ZNF516: variants seen among roughly 807,000 people sequenced by gnomAD.
ZNF516 encodes the protein zinc finger protein 516.
ZNF516 carries 19 observed loss-of-function variants against 79.7 expected under a neutral mutation model. The observed-to-expected ratio is 0.24, with a 90% CI of 0.17 to 0.35. The LOEUF (loss-of-function observed/expected upper bound fraction) is 0.35. Ranked by LOEUF, ZNF516 falls within the 10% of genes least tolerant of loss-of-function variation. The probability of loss-of-function intolerance (pLI) is 1.00; values close to 1 mark genes in which losing one functional copy is unlikely to be tolerated. For synonymous variants in ZNF516, 877 were observed against 739.5 expected, an observed-to-expected ratio of 1.19 and a Z score of -3.02; for missense variants, 1,678 against 1,679.5, an observed-to-expected ratio of 1.00 and a Z score of 0.02.
chr18:76,374,335 T>G (rs1443298813), intron 4 of ZNF516, among the ~76,000 whole-genome samples: 1 of 152,264 alleles, frequency 6.6e-6, no homozygotes, highest in East Asian at 1.9e-4. Context: ...AAGTCATTTA[T>G]GTTCTATTCC....
At chr18:76,463,734 T>C (rs1440595444) in intron 1 of ZNF516, among the ~76,000 whole-genome samples, 3 of 152,234 alleles carry the variant, frequency 2.0e-5, no homozygotes, top group Admixed American at 6.5e-5. Flanking sequence ...CACTTATACC[T>C]GGGACCACGG....
chr18:76,473,801 C>CA (rs879452949), intron 1 of ZNF516, among the ~76,000 whole-genome samples: 1,175 of 101,474 alleles, frequency 0.012, 12 homozygotes, highest in African/African-American at 0.035. Flanking sequence ...ACTCCATCTC[C>CA]AAAAAAAAAA....
chr18:76,395,083 G>A (rs986732643), intron 3 of ZNF516, among the ~76,000 whole-genome samples: 6 of 152,184 alleles, frequency 3.9e-5, no homozygotes, highest in East Asian at 1.9e-4. Context: ...TATTGGAAAC[G>A]GATGGAGCAA....
intron 2 of ZNF516, among the ~76,000 whole-genome samples, chr18:76,453,853 T>C (rs1346042606): frequency 6.6e-6 from 1 of 152,250 alleles, no homozygotes; most frequent in African/African-American, 2.4e-5. Context: ...ATATTTTAAC[T>C]GAAATTTGTT....
intron 2 of ZNF516, among the ~76,000 whole-genome samples, chr18:76,461,897 T>A (rs538055377): frequency 6.6e-6 from 1 of 152,300 alleles, no homozygotes; most frequent in South Asian, 2.1e-4. Flanking sequence ...CTCACCTGGA[T>A]GGGAAGGGTG....
At position 76,371,549 on chromosome 18, in the gene ZNF516, C is replaced by T. The variant is rs1477624770; in HGVS notation, c.3282G>A (p.Arg1094=). The T allele has an allele frequency of 6.2e-7, 1 of 1,610,606 alleles. No individual in the cohort carries two copies. Among genetic ancestry groups the T allele is most frequent in the East Asian group, 2.2e-5 (1 of 44,864 alleles). The change falls in exon 5 of 7, where the codon CGG becomes CGA. Residue 1094 remains arginine, a synonymous_variant. Transcript: ENST00000443185. ...EHRGTLRTQA[R]PGEFVCIECG... Reference sequence around the variant, plus strand: ...ACTCGATGCAGACGAACTCTCCTGGCCGGGCCTGCGTCCGGAGTGTCCCTG... The same window carrying T: ...ACTCGATGCAGACGAACTCTCCTGGTCGGGCCTGCGTCCGGAGTGTCCCTG...
At chr18:76,418,165 T>C (rs1260384701) in intron 3 of ZNF516, among the ~76,000 whole-genome samples, 1 of 152,080 alleles carries the variant, frequency 6.6e-6, no homozygotes, top group Admixed American at 6.5e-5. Context: ...AGTAACACAC[T>C]GTAACACACG....
At chr18:76,458,669 C>T (rs1169214316) in intron 2 of ZNF516, among the ~76,000 whole-genome samples, 1 of 126,768 alleles carries the variant, frequency 7.9e-6, no homozygotes, top group South Asian at 2.4e-4. Context: ...CGTGCCTCAC[C>T]GTCGTGTGTG....
chr18:76,474,147 G>A (rs1364731781), intron 1 of ZNF516, among the ~76,000 whole-genome samples: 1 of 152,112 alleles, frequency 6.6e-6, no homozygotes, highest in Non-Finnish European at 1.5e-5. Flanking sequence ...GACAAACAGA[G>A]AAAAATGATC....
chr18:76,403,785 A>T (rs2145236337), intron 3 of ZNF516, among the ~76,000 whole-genome samples: 1 of 152,312 alleles, frequency 6.6e-6, no homozygotes, highest in East Asian at 1.9e-4. Context: ...TCTCCTATTG[A>T]CAGATTTCCA....
intron 3 of ZNF516, among the ~76,000 whole-genome samples, chr18:76,404,837 CTG>C (rs56305413): frequency 0.27 from 41,562 of 151,868 alleles, 7,000 homozygotes; most frequent in East Asian, 0.47. Context: ...ATGTGTATCA[CTG>C]TAACTGTGTG....
intron 1 of ZNF516, among the ~76,000 whole-genome samples, chr18:76,488,894 C>G (rs138996046): frequency 6.6e-6 from 1 of 152,320 alleles, no homozygotes; most frequent in Non-Finnish European, 1.5e-5. Context: ...CGAAATACCA[C>G]TTTTAATTAG....
In ZNF516 at chr18:76,371,574, G is replaced by T. The variant is rs780108757; in HGVS notation, c.3260-3C>A. 7 of 1,608,108 alleles carry T rather than the reference G, an allele frequency of 4.4e-6. No individual in the cohort carries two copies. Among genetic ancestry groups the T allele is most frequent in the Non-Finnish European group, 8.5e-7 (1 of 1,179,240 alleles). ...CCGGGCCTGCGTCCGGAGTGTCCCT[G>T]CGGTGGCGAGGTGGTGGTGGTGGCA... On this transcript the variant is annotated splice_region_variant and splice_polypyrimidine_tract_variant and intron_variant, in intron 4 of 6. Coordinates refer to ENST00000443185, the MANE Select transcript of ZNF516 (RefSeq NM_014643.4).
intron 3 of ZNF516, among the ~76,000 whole-genome samples, chr18:76,437,332 G>T (rs1317589230): frequency 6.6e-6 from 1 of 152,156 alleles, no homozygotes; most frequent in African/African-American, 2.4e-5. Flanking sequence ...TGGGCTCTGA[G>T]GACGGGGCTG....
chr18:76,416,182 G>A (rs573260838), intron 3 of ZNF516, among the ~76,000 whole-genome samples: 1 of 152,228 alleles, frequency 6.6e-6, no homozygotes, highest in East Asian at 1.9e-4. Flanking sequence ...CCACTTTGCA[G>A]TAAGACATTT....
intron 2 of ZNF516, among the ~76,000 whole-genome samples, chr18:76,449,804 C>T (rs1051692396): frequency 2.0e-5 from 3 of 152,150 alleles, no homozygotes; most frequent in African/African-American, 4.8e-5. Context: ...TGCAAAAGGA[C>T]AAAATAGCAG....
At chr18:76,480,177 A>G (rs1914424083) in intron 1 of ZNF516, among the ~76,000 whole-genome samples, 1 of 151,520 alleles carries the variant, frequency 6.6e-6, no homozygotes, top group South Asian at 2.1e-4. Context: ...AAAAAAAAAA[A>G]AAAAAGAACA....
chr18:76,407,003 T>C (rs1444933381), intron 3 of ZNF516, among the ~76,000 whole-genome samples: 2 of 152,172 alleles, frequency 1.3e-5, no homozygotes, highest in East Asian at 3.9e-4. Context: ...CACTGTTGGG[T>C]GAGACCTCGC....
At chr18:76,391,181 A>G (rs1258555083) in intron 3 of ZNF516, among the ~76,000 whole-genome samples, 1 of 152,176 alleles carries the variant, frequency 6.6e-6, no homozygotes, top group Non-Finnish European at 1.5e-5. Context: ...AAGAGTCTGC[A>G]CTTTAGGAAA....
Sources: allele counts gnomAD v4.1 joint callset (sites outside exome capture counted in the v4.1 genomes callset), GRCh38; gene constraint gnomAD v4.1.1; transcripts MANE v1.5; gene names NCBI Gene and HGNC (gene_info 2026-07-23, HGNC 2026-07-21).